The following NPM1 variants were observed in gnomAD, a reference collection of about 807,000 sequenced individuals.
NPM1 encodes the protein nucleophosmin.
A neutral mutation model predicts 44.1 loss-of-function variants in NPM1; 1 was observed. That is an observed-to-expected ratio of 0.02 (90% CI 0.01 to 0.11). The LOEUF (loss-of-function observed/expected upper bound fraction) is 0.11, where lower values mean the gene tolerates loss of function less well. Among genes scored for constraint, NPM1 ranks in the 10% least tolerant of loss-of-function variants. NPM1 has a pLI of 1.00. For synonymous variants in NPM1, 126 were observed against 111.8 expected (o/e 1.13, Z -0.80); for missense variants, 197 against 347.8 (o/e 0.57, Z 3.45).
At chr5:171,407,673 C>T (rs1160021164) in intron 9 of NPM1, 27 bp from the exon 10 acceptor site, 1 of 1,332,210 alleles carries the variant, frequency 7.5e-7, no homozygotes, top group Non-Finnish European at 1.1e-6. Flanking sequence ...TCTCTACTTA[C>T]CTGTAATAAT....
intron 8 of NPM1, among the ~76,000 whole-genome samples, chr5:171,402,972 T>TTTCG (rs1374577396): frequency 9.4e-6 from 1 of 105,948 alleles, no homozygotes; most frequent in Non-Finnish European, 1.9e-5. Flanking sequence ...TTTTTCATTT[T>TTTCG]ATTTATTTAT....
In NPM1 at chr5:171,408,173, T is replaced by C. The variant is rs562263467; in HGVS notation, c.846+399T>C. Among the ~76,000 whole-genome samples, 112 of 151,310 alleles carry C rather than the reference T, an allele frequency of 7.4e-4. 1 individual carries two copies. Among genetic ancestry groups the C allele is most frequent in the Admixed American group, 2.3e-3 (35 of 15,192 alleles). ...TTTTTTTTTTTTTTCCTAGATCTTA[T>C]GGGAAATACATTATGCCAAAATCAT... On this transcript the variant is annotated intron_variant, in intron 10 of 10. Coordinates refer to ENST00000296930, the MANE Select transcript of NPM1 (RefSeq NM_002520.7).
chr5:171,387,816 A>G (rs1770305965), upstream of NPM1: 1 of 785,200 alleles, frequency 1.3e-6, no homozygotes, highest in Non-Finnish European at 2.1e-6. Flanking sequence ...CGAGATCTTC[A>G]GGGTCTATAT....
chr5:171,406,353 C>T (rs1170683684), intron 9 of NPM1: 2 of 1,541,720 alleles, frequency 1.3e-6, no homozygotes, highest in Admixed American at 3.3e-5. Context: ...AGATGCCCCT[C>T]CCCTCCATTT....
chr5:171,394,041 C>CTTTTTTTTTTTTTTT (rs144186175), intron 6 of NPM1, among the ~76,000 whole-genome samples: 1 of 97,076 alleles, frequency 1.0e-5, no homozygotes, highest in Non-Finnish European at 2.1e-5. Flanking sequence ...TTTTTGTTTT[C>CTTTTTTTTTTTTTTT]TTTTTTTTTT....
intron 8 of NPM1, 48 bp from the exon 9 acceptor site, chr5:171,405,254 G>A (rs2113274082): frequency 1.1e-6 from 1 of 893,610 alleles, no homozygotes; most frequent in Non-Finnish European, 1.8e-6. Flanking sequence ...TTTTAATTAG[G>A]AATTGTATTT....
At chr5:171,405,156 G>A (rs1273717256) in intron 8 of NPM1, 146 bp from the exon 9 acceptor site, 12 of 598,228 alleles carry the variant, frequency 2.0e-5, no homozygotes, top group Admixed American at 6.4e-5. Flanking sequence ...ATTATATGGC[G>A]TGAATTTATT....
chr5:171,389,608 T>C (rs545270676), intron 1 of NPM1, among the ~76,000 whole-genome samples: 2 of 152,352 alleles, frequency 1.3e-5, no homozygotes, highest in East Asian at 1.9e-4. Flanking sequence ...TCTTTTACTT[T>C]TGTCATTTTT....
At chr5:171,394,571 G>C (rs950364316) in intron 6 of NPM1, among the ~76,000 whole-genome samples, 1 of 152,138 alleles carries the variant, frequency 6.6e-6, no homozygotes, top group African/African-American at 2.4e-5. Flanking sequence ...GAAGCAGGTG[G>C]GGTTACAGGA....
rs778792366 is a variant in NPM1 at position 171,400,180 on chromosome 5, G to A, written c.552G>A (p.Glu184=). 6.2e-7 allele frequency: 1 copy of A among 1,607,140 alleles called. No individual in the cohort carries two copies. Among genetic ancestry groups the A allele is most frequent in the Non-Finnish European group, 8.5e-7 (1 of 1,173,932 alleles). Residue 184 remains glutamate (E), a synonymous_variant, in exon 7 of 11, where the codon GAG becomes GAA. Coordinates refer to ENST00000296930, the MANE Select transcript of NPM1 (RefSeq NM_002520.7). ...EDDDDDDFDD[E]EAEEKAPVKK... ...ATGATGATGATGATTTTGATGATGA[G>A]GAAGCTGAAGAAAAAGCGCCAGTGA...
In NPM1 at chr5:171,394,389, T is replaced by C. The variant is rs1770765241; in HGVS notation, c.524+1411T>C. ...GGGTTTCACCACGTTGGCTAGGCTATTCTCAAACTCCTAACCTCGGGCGAT... is the reference window on the plus strand; with the variant it reads ...GGGTTTCACCACGTTGGCTAGGCTACTCTCAAACTCCTAACCTCGGGCGAT... On this transcript the variant is annotated intron_variant, in intron 6 of 10. Transcript: ENST00000296930. 2.0e-5 allele frequency among the ~76,000 whole-genome samples: 3 copies of C among 152,134 alleles called. No homozygotes were observed. In the South Asian group the frequency reaches 6.2e-4, roughly 32 times the overall value.
chr5:171,392,735 A>G lies in NPM1; in HGVS notation c.378A>G (p.Glu126=), dbSNP rs1037699336. 2 of 1,612,548 alleles carry G rather than the reference A, an allele frequency of 1.2e-6. No individual in the cohort carries two copies. The highest frequency in any genetic ancestry group is 1.7e-6 in the Non-Finnish European group (2 of 1,178,880). ...CTGTGGAGGAAGATGCAGAGTCAGA[A>G]GATGAAGAGGAGGAGGATGTGAAAC... ...LVAVEEDAES[E]DEEEEDVKLL... Residue 126 remains glutamate, a synonymous_variant, in exon 5 of 11, where the codon GAA becomes GAG. Coordinates refer to ENST00000296930, the MANE Select transcript of NPM1 (RefSeq NM_002520.7).
chr5:171,396,503 G>C (rs1054796720), intron 6 of NPM1, among the ~76,000 whole-genome samples: 1 of 152,164 alleles, frequency 6.6e-6, no homozygotes, highest in African/African-American at 2.4e-5. Flanking sequence ...TTTAAGTTAT[G>C]ATACTTTTTC....
At chr5:171,391,821 T>C (rs903428980) in intron 4 of NPM1, 22 bp downstream of exon 4, 3 of 1,441,130 alleles carry the variant, frequency 2.1e-6, no homozygotes, top group Non-Finnish European at 2.9e-6. Flanking sequence ...TTATATATTA[T>C]ACTACTTAGT....
At chr5:171,399,120 G>A (rs1771061613) in intron 6 of NPM1, among the ~76,000 whole-genome samples, 1 of 152,218 alleles carries the variant, frequency 6.6e-6, no homozygotes, top group Non-Finnish European at 1.5e-5. Context: ...AAAAGTGCCG[G>A]GATTACAAGC....
rs1020820633 is a variant in NPM1, at chr5:171,401,072, G to A, written c.669+147G>A. 1.8e-5 allele frequency: 11 copies of A among 627,636 alleles called. No individual in the cohort carries two copies. The African/African-American group carries it at 1.8e-4, about 11-fold the overall frequency. The allele number at this position is 627,636 out of a possible 1,614,324, so 38.9% of individuals were successfully genotyped here. On this transcript the variant is annotated intron_variant, in intron 8 of 10. Coordinates refer to ENST00000296930, the MANE Select transcript of NPM1 (RefSeq NM_002520.7). The stretch of plus-strand genomic sequence containing the variant: ...TAAAAGTTAAAATCAGCTTGCTGCA[G>A]CCAGGCTCAGTGGCTCACTCCTGTA...
chr5:171,393,126 CTG>C, intron 6 of NPM1, 148 bp downstream of exon 6: 1 of 1,042,984 alleles, frequency 9.6e-7, no homozygotes, highest in Non-Finnish European at 1.4e-6. Context: ...AGGTGGTCAT[CTG>C]TTGTCAGTTT....
At chr5:171,398,384 T>A (rs1193950708) in intron 6 of NPM1, among the ~76,000 whole-genome samples, 1 of 151,688 alleles carries the variant, frequency 6.6e-6, no homozygotes. Context: ...AATGGAGGGG[T>A]CTAAATATAG....
intron 8 of NPM1, among the ~76,000 whole-genome samples, chr5:171,404,244 C>T (rs1477255416): frequency 1.9e-5 from 2 of 106,598 alleles, no homozygotes; most frequent in Admixed American, 1.8e-4. Context: ...GACCCCCCCC[C>T]ACCTCCCTCC....
Sources: gnomAD v4.1 joint callset for allele counts (sites outside exome capture counted in the v4.1 genomes callset) on GRCh38, gnomAD v4.1.1 for gene constraint, MANE v1.5 for transcripts, NCBI Gene and HGNC (gene_info 2026-07-23, HGNC 2026-07-21) for gene names.